ARHGEF26: variants seen among roughly 807,000 people sequenced by gnomAD.
ARHGEF26 encodes Rho guanine nucleotide exchange factor (GEF) 26.
ARHGEF26 carries 59 observed loss-of-function variants against 89.4 expected under a neutral mutation model. The observed-to-expected ratio is 0.66, with a 90% CI of 0.54 to 0.82. The LOEUF (loss-of-function observed/expected upper bound fraction) is 0.82, where lower values mean the gene tolerates loss of function less well. ARHGEF26 is among the 40% of genes least tolerant of loss of function. The pLI is 0.00. For synonymous variants in ARHGEF26, 500 were observed against 428.4 expected, an observed-to-expected ratio of 1.17 and a Z score of -2.06; for missense variants, 1,234 against 1,085.6, an observed-to-expected ratio of 1.14 and a Z score of -1.92.
At chr3:154,235,606 A>C (rs915913969) in intron 11 of ARHGEF26, among the ~76,000 whole-genome samples, 5 of 152,218 alleles carry the variant, frequency 3.3e-5, no homozygotes, top group African/African-American at 1.2e-4. Context: ...GATAGCTGTC[A>C]TATCTATGTA....
At chr3:154,209,869 A>C (rs2108229084) in intron 9 of ARHGEF26, among the ~76,000 whole-genome samples, 1 of 152,306 alleles carries the variant, frequency 6.6e-6, no homozygotes, top group East Asian at 1.9e-4. Context: ...AGGTGGGTCG[A>C]GAGGTACCGT....
chr3:154,155,790 T>C (rs929365580), intron 6 of ARHGEF26, among the ~76,000 whole-genome samples: 2 of 151,840 alleles, frequency 1.3e-5, no homozygotes, highest in Non-Finnish European at 2.9e-5. Flanking sequence ...CATGTAAAGA[T>C]CATCACTCTA....
rs764872150 is a variant in ARHGEF26 at position 154,256,963 on chromosome 3, T to A, written c.*1490T>A. On this transcript the variant is annotated 3_prime_UTR_variant, in exon 15 of 15. Transcript: ENST00000465093. ...GAAATGATTTTTACTGGCAGCTATA[T>A]TCCCTCTCTGTTCTATTTGCTTTAA... is the stretch of plus-strand genomic sequence containing the variant. 2.6e-6 allele frequency: 4 copies of A among 1,531,850 alleles called. No homozygotes were observed. Among genetic ancestry groups the A allele is most frequent in the South Asian group, 1.2e-5 (1 of 83,336 alleles). 94.9% of individuals were successfully genotyped at this position (1,531,850 alleles called of 1,614,324 possible).
chr3:154,129,524 A>C (rs1449776012), intron 3 of ARHGEF26, 50 bp from the exon 4 acceptor site: 2 of 1,577,776 alleles, frequency 1.3e-6, no homozygotes, highest in Admixed American at 1.8e-5. Flanking sequence ...AGAACAAGTA[A>C]CATAATGATT....
chr3:154,194,579 A>G, intron 8 of ARHGEF26, 65 bp from the exon 9 acceptor site: 1 of 1,164,624 alleles, frequency 8.6e-7, no homozygotes. Flanking sequence ...ATATGGCTGG[A>G]CATTGGTTTT....
rs114788766 is a variant in ARHGEF26, at chr3:154,124,161, G to A, written c.1084-249G>A. On this transcript the variant is annotated intron_variant, in intron 2 of 14. Transcript: ENST00000465093. Reference sequence around the variant, plus strand: ...TGAGCTGACCTGCTAGTTATTTGAGGATTCTCAATCTGTTTTGACAGGGTG... The same window carrying A: ...TGAGCTGACCTGCTAGTTATTTGAGAATTCTCAATCTGTTTTGACAGGGTG... Among the ~76,000 whole-genome samples the A allele has an allele frequency of 3.5e-3, 526 of 152,280 alleles. 2 individuals are homozygous for A. Among genetic ancestry groups the A allele is most frequent in the African/African-American group, 0.011 (475 of 41,572 alleles).
rs1718487378 is a variant in ARHGEF26, at chr3:154,256,110, A to T, written c.*637A>T. The T allele has an allele frequency of 2.0e-6, 2 of 985,084 alleles. No homozygotes were observed. The allele number at this position is 985,084 out of a possible 1,614,324, so 61.0% of individuals were successfully genotyped here. A position where few individuals can be genotyped will look rare whatever the true frequency, so the allele number is the denominator to read the frequency against. On this transcript the variant is annotated 3_prime_UTR_variant, in exon 15 of 15. Coordinates refer to ENST00000465093, the MANE Select transcript of ARHGEF26 (RefSeq NM_015595.4). The stretch of plus-strand genomic sequence containing the variant: ...AGAAAGCCTTACTTTAGGATTTTTA[A>T]AAAAAAATCCATCTCACCCCATATT...
At chr3:154,224,132 AGG>A (rs201122291) in intron 10 of ARHGEF26, among the ~76,000 whole-genome samples, 2,685 of 152,262 alleles carry the variant, frequency 0.018, 49 homozygotes, top group South Asian at 0.065. Context: ...TTTCCTTACT[AGG>A]GGAATTCACT....
At chr3:154,178,938 C>A (rs1197359291) in intron 6 of ARHGEF26, among the ~76,000 whole-genome samples, 1 of 152,148 alleles carries the variant, frequency 6.6e-6, no homozygotes, top group Non-Finnish European at 1.5e-5. Context: ...ACCAGAAACC[C>A]TAGTGGTTCT....
chr3:154,209,954 A>G (rs1294772155), intron 9 of ARHGEF26, among the ~76,000 whole-genome samples: 1 of 152,182 alleles, frequency 6.6e-6, no homozygotes, highest in African/African-American at 2.4e-5. Flanking sequence ...GCTGCCACTC[A>G]AACCACAAGA....
intron 6 of ARHGEF26, among the ~76,000 whole-genome samples, chr3:154,184,948 T>C (rs972687236): frequency 6.6e-6 from 1 of 152,238 alleles, no homozygotes; most frequent in Non-Finnish European, 1.5e-5. Flanking sequence ...TCAGCTCCAC[T>C]GAACTTCCCA....
In ARHGEF26 at chr3:154,152,906, T is replaced by A; in HGVS notation, c.1461T>A (p.Ile487=). 2 of 1,596,890 alleles carry A rather than the reference T, an allele frequency of 1.3e-6. No individual in the cohort carries two copies. The highest frequency in any genetic ancestry group is 1.7e-6 in the Non-Finnish European group (2 of 1,172,380). ...KTERHHLFSN[I]TDVCEASKKF... ...AGAGGCACCATCTTTTCTCCAATATTACAGATGTCTGTGAGGCAAGCAAAA... is the reference window on the plus strand; with the variant it reads ...AGAGGCACCATCTTTTCTCCAATATAACAGATGTCTGTGAGGCAAGCAAAA... Residue 487 remains isoleucine (I), a synonymous_variant, in exon 6 of 15, where the codon ATT becomes ATA. Coordinates refer to ENST00000465093, the MANE Select transcript of ARHGEF26 (RefSeq NM_015595.4).
chr3:154,138,930 C>T (rs1423879825), intron 4 of ARHGEF26, among the ~76,000 whole-genome samples: 1 of 152,158 alleles, frequency 6.6e-6, no homozygotes, highest in Non-Finnish European at 1.5e-5. Context: ...TAGATAAATG[C>T]ATAATTACTA....
chr3:154,189,724 T>C (rs1576756630), intron 7 of ARHGEF26, among the ~76,000 whole-genome samples: 1 of 152,144 alleles, frequency 6.6e-6, no homozygotes, highest in African/African-American at 2.4e-5. Flanking sequence ...AATGAGCAAA[T>C]GTACACTGTC....
chr3:154,148,615 A>G (rs1042783507), intron 4 of ARHGEF26, among the ~76,000 whole-genome samples: 4 of 152,102 alleles, frequency 2.6e-5, no homozygotes, highest in Non-Finnish European at 5.9e-5. Flanking sequence ...CTGGCATGGA[A>G]ATTCTTGCTG....
At chr3:154,228,477 T>C (rs1227216759) in intron 11 of ARHGEF26, among the ~76,000 whole-genome samples, 1 of 151,822 alleles carries the variant, frequency 6.6e-6, no homozygotes, top group Non-Finnish European at 1.5e-5. Flanking sequence ...TTTTCTTTTT[T>C]TTAAGAGCAA....
intron 11 of ARHGEF26, among the ~76,000 whole-genome samples, chr3:154,239,092 G>C (rs1376843791): frequency 6.6e-6 from 1 of 152,074 alleles, no homozygotes; most frequent in African/African-American, 2.4e-5. Context: ...TAATGACAAG[G>C]ACTAAGGTAT....
rs1718465343 is a variant in ARHGEF26, at chr3:154,255,849, T to C, written c.*376T>C. The stretch of plus-strand genomic sequence containing the variant: ...TAAGGTGACTGTCTCTCTTTATACA[T>C]CCTTGTATGGTTCTCCCAGTATTAG... On this transcript the variant is annotated 3_prime_UTR_variant, in exon 15 of 15. Coordinates refer to ENST00000465093, the MANE Select transcript of ARHGEF26 (RefSeq NM_015595.4). 1 of 1,015,116 alleles carries C rather than the reference T, an allele frequency of 9.9e-7. No homozygotes were observed. The highest frequency in any genetic ancestry group is 9.6e-5 in the East Asian group (1 of 10,430). The allele number at this position is 1,015,116 out of a possible 1,614,324, so 62.9% of individuals were successfully genotyped here. A position where few individuals can be genotyped will look rare whatever the true frequency, so the allele number is the denominator to read the frequency against.
rs191718226 is a variant in ARHGEF26 at position 154,122,128 on chromosome 3, T to A, written c.136T>A (p.Leu46Ile). The change falls in exon 2 of 15, where the codon TTA becomes ATA. Residue 46 changes from leucine to isoleucine, a missense_variant. Leu to Ile is a conservative substitution (Grantham distance 5, BLOSUM62 2). Coordinates refer to ENST00000465093, the MANE Select transcript of ARHGEF26 (RefSeq NM_015595.4). ...CCAGTCCTACCAGAGCCCCAACGGGTTACTAATTACGGATTTCCCGGTGGA... is the reference window on the plus strand; with the variant it reads ...CCAGTCCTACCAGAGCCCCAACGGGATACTAATTACGGATTTCCCGGTGGA... ...RPQSYQSPNGLLITDFPVEDG... is the reference protein window; with the variant it reads ...RPQSYQSPNGILITDFPVEDG... The A allele has an allele frequency of 6.2e-7, 1 of 1,606,042 alleles. No individual in the cohort carries two copies. The highest frequency in any genetic ancestry group is 1.1e-5 in the South Asian group (1 of 89,776).
Sources: gnomAD v4.1 joint callset for allele counts (sites outside exome capture counted in the v4.1 genomes callset) on GRCh38, gnomAD v4.1.1 for gene constraint, MANE v1.5 for transcripts, NCBI Gene and HGNC (gene_info 2026-07-23, HGNC 2026-07-21) for gene names.